Variants in GREB1L observed in about 807,000 individuals in gnomAD.
GREB1L encodes the protein GREB1 like retinoic acid receptor coactivator.
GREB1L carries 17 observed loss-of-function variants against 200.8 expected under a neutral mutation model. That is an observed-to-expected ratio of 0.08 (90% CI 0.06 to 0.13). The LOEUF (loss-of-function observed/expected upper bound fraction) is 0.13. Ranked by LOEUF, GREB1L falls within the 10% of genes least tolerant of loss-of-function variation. The pLI is 1.00. For synonymous variants in GREB1L, 789 were observed against 893.0 expected (o/e 0.88, Z 2.08); for missense variants, 1,657 against 2,367.7 (o/e 0.70, Z 6.23).
At chr18:21,261,661 G>C (rs532524446) in intron 1 of GREB1L, among the ~76,000 whole-genome samples, 1 of 151,968 alleles carries the variant, frequency 6.6e-6, no homozygotes, top group African/African-American at 2.4e-5. Context: ...ACTGTAGCAT[G>C]CCAATAAAAT....
chr18:21,248,531 T>TA (rs2037644676), intron 1 of GREB1L, among the ~76,000 whole-genome samples: 2 of 152,346 alleles, frequency 1.3e-5, no homozygotes, highest in African/African-American at 4.8e-5. Flanking sequence ...AAATGTATAT[T>TA]AAAATCACAC....
At chr18:21,432,895 C>T (rs1190480338) in intron 7 of GREB1L, among the ~76,000 whole-genome samples, 1 of 151,594 alleles carries the variant, frequency 6.6e-6, no homozygotes, top group Admixed American at 6.6e-5. Context: ...TTAGTAGGGA[C>T]GAGGTTTCCC....
chr18:21,280,492 A>G (rs1412757533), intron 1 of GREB1L, among the ~76,000 whole-genome samples: 1 of 151,716 alleles, frequency 6.6e-6, no homozygotes, highest in Non-Finnish European at 1.5e-5. Context: ...AGTTTGGGCA[A>G]TTATAAATAA....
intron 1 of GREB1L, among the ~76,000 whole-genome samples, chr18:21,251,845 T>C (rs1244251380): frequency 1.3e-5 from 2 of 149,902 alleles, no homozygotes; most frequent in Non-Finnish European, 2.9e-5. Context: ...CTCAGGAGGC[T>C]GAGGCAGGAG....
chr18:21,327,457 C>G (rs2039039676), intron 1 of GREB1L, among the ~76,000 whole-genome samples: 1 of 152,130 alleles, frequency 6.6e-6, no homozygotes. Flanking sequence ...CTCCTCATCT[C>G]TCATCTAGAC....
In GREB1L at chr18:21,374,746, T is replaced by G. The variant is rs540359942; in HGVS notation, c.-10+8610T>G. Among the ~76,000 whole-genome samples, 125 of 152,286 alleles carry G rather than the reference T, an allele frequency of 8.2e-4. 1 individual carries two copies. In the Middle Eastern group the frequency reaches 0.01, roughly 12 times the overall value. On this transcript the variant is annotated intron_variant, in intron 2 of 32. Coordinates refer to ENST00000424526, the MANE Select transcript of GREB1L (RefSeq NM_001142966.3). ...AATACTTTTAAAAATTAATGTTTATTTGTTCCAGATAGTTGGTATTAAAAG... is the reference window on the plus strand; with the variant it reads ...AATACTTTTAAAAATTAATGTTTATGTGTTCCAGATAGTTGGTATTAAAAG...
chr18:21,267,164 C>T (rs1183779518), intron 1 of GREB1L, among the ~76,000 whole-genome samples: 1 of 149,306 alleles, frequency 6.7e-6, no homozygotes, highest in African/African-American at 2.5e-5. Flanking sequence ...AAACTCCTGG[C>T]CTCGTGATCT....
intron 7 of GREB1L, among the ~76,000 whole-genome samples, chr18:21,429,495 A>G (rs918861175): frequency 1.3e-5 from 2 of 151,630 alleles, no homozygotes; most frequent in African/African-American, 4.8e-5. Flanking sequence ...GGTGCAAACC[A>G]TGGCACCCAG....
chr18:21,357,745 C>A (rs550378776), intron 1 of GREB1L, among the ~76,000 whole-genome samples: 5 of 152,188 alleles, frequency 3.3e-5, no homozygotes, highest in Non-Finnish European at 5.9e-5. Flanking sequence ...ATTGTGTGTT[C>A]TTGGCCTCTT....
intron 32 of GREB1L, among the ~76,000 whole-genome samples, chr18:21,522,189 T>A (rs990533535): frequency 6.6e-6 from 1 of 151,482 alleles, no homozygotes; most frequent in East Asian, 2.0e-4. Context: ...TTACTGAATT[T>A]GGGCTGGGCG....
intron 1 of GREB1L, among the ~76,000 whole-genome samples, chr18:21,321,131 T>C (rs2038944948): frequency 6.6e-6 from 1 of 151,008 alleles, no homozygotes; most frequent in African/African-American, 2.4e-5. Flanking sequence ...CTGTCTCTAC[T>C]AAAAATACAA....
chr18:21,252,416 G>A (rs2037723357), intron 1 of GREB1L, among the ~76,000 whole-genome samples: 2 of 151,932 alleles, frequency 1.3e-5, no homozygotes, highest in Admixed American at 1.3e-4. Context: ...AACTAGCCTG[G>A]TATGGTGGCG....
intron 1 of GREB1L, among the ~76,000 whole-genome samples, chr18:21,326,473 G>A (rs558392125): frequency 5.3e-5 from 8 of 152,156 alleles, no homozygotes; most frequent in Non-Finnish European, 8.8e-5. Context: ...TACAGACACC[G>A]ATAGCCGGTC....
intron 2 of GREB1L, among the ~76,000 whole-genome samples, chr18:21,381,039 G>A (rs1390480723): frequency 1.3e-5 from 2 of 152,134 alleles, no homozygotes; most frequent in African/African-American, 2.4e-5. Context: ...TCAGGTGATC[G>A]AGACCATCCT....
intron 2 of GREB1L, chr18:21,380,629 G>C (rs2040265681): frequency 6.6e-6 from 1 of 152,154 alleles, no homozygotes; most frequent in Admixed American, 6.5e-5. Context: ...GTAGTGAACT[G>C]GTCACTTCGT....
At position 21,334,129 on chromosome 18, in the gene GREB1L, C is replaced by CA. The variant is rs1168834702; in HGVS notation, c.-119-31894dup. Among the ~76,000 whole-genome samples, 12 of 152,216 alleles carry CA rather than the reference C, an allele frequency of 7.9e-5. No homozygotes were observed. The East Asian group carries it at 2.3e-3, about 29-fold the overall frequency. ...AAATGAACTATTACATTCCTCAAGA[C>CA]AAAATCATTAAAATGTGCGTTAAAT... On this transcript the variant is annotated intron_variant, in intron 1 of 32. Transcript: ENST00000424526.
At chr18:21,382,751 T>A (rs1448840736) in intron 2 of GREB1L, among the ~76,000 whole-genome samples, 2 of 152,026 alleles carry the variant, frequency 1.3e-5, no homozygotes, top group Admixed American at 1.3e-4. Flanking sequence ...CCTCCCAAAG[T>A]GCCGGGTTTA....
chr18:21,449,612 G>A lies in GREB1L; in HGVS notation c.1496G>A (p.Cys499Tyr). 6.4e-7 allele frequency: 1 copy of A among 1,551,220 alleles called. No individual in the cohort carries two copies. Among genetic ancestry groups the A allele is most frequent in the South Asian group, 1.2e-5 (1 of 84,040 alleles). The change falls in exon 12 of 33, where the codon TGT (cysteine) becomes TAT (tyrosine). Residue 499 changes from cysteine to tyrosine, a missense_variant. Around this residue, in one of 9 missense-constraint regions of GREB1L, gnomAD observed 289 missense variants for 345.1 expected, o/e 0.84. Coordinates refer to ENST00000424526, the MANE Select transcript of GREB1L (RefSeq NM_001142966.3). ...AGAGCCCTGCAGATAGGTGCTCAGT[G>A]TGTCCCTGTGTCACCAGGACAACTC... ...RERALQIGAQ[C>Y]VPVSPGQLPW...
At chr18:21,511,998 C>A (rs2037256996) in intron 27 of GREB1L, among the ~76,000 whole-genome samples, 1 of 152,114 alleles carries the variant, frequency 6.6e-6, no homozygotes, top group South Asian at 2.1e-4. Flanking sequence ...GGCTTTGGCA[C>A]CCTTGTCAAA....
Sources: allele counts gnomAD v4.1 joint callset (sites outside exome capture counted in the v4.1 genomes callset), GRCh38; gene constraint gnomAD v4.1.1; regional missense constraint gnomAD v4.1.1; transcripts MANE v1.5; gene names NCBI Gene and HGNC (gene_info 2026-07-23, HGNC 2026-07-21).